The following EPHA3 variants were observed in gnomAD, a reference collection of about 807,000 sequenced individuals.
EPHA3 encodes the protein EPH receptor A3, also known as ephrin type-A receptor 3.
EPHA3 carries 42 observed loss-of-function variants against 107.1 expected under a neutral mutation model. The ratio of observed to expected loss-of-function variants is 0.39; its 90% CI spans 0.31 to 0.51. The LOEUF is 0.51. Among genes scored for constraint, EPHA3 ranks in the 20% least tolerant of loss-of-function variants. The pLI, the probability that EPHA3 is intolerant of heterozygous loss-of-function variation, is 0.78. For missense variants in EPHA3, 1,183 were observed against 1,211.2 expected (o/e 0.98, Z 0.35); for synonymous variants, 461 against 424.8 (o/e 1.09, Z -1.05).
At position 89,134,947 on chromosome 3, in the gene EPHA3, C is replaced by A. The variant is rs182820779; in HGVS notation, c.153+7674C>A. On this transcript the variant is annotated intron_variant, in intron 2 of 16. Coordinates refer to ENST00000336596, the MANE Select transcript of EPHA3 (RefSeq NM_005233.6). ...ATTACCAAAAACAAAACGAGAAATG[C>A]ACATTAAAATGATGTATAACATATT... 1.4e-4 allele frequency among the ~76,000 whole-genome samples: 21 copies of A among 152,228 alleles called. No homozygotes were observed. In the East Asian group the frequency reaches 3.9e-3, roughly 28 times the overall value.
chr3:89,305,450 C>G (rs1412581079), intron 3 of EPHA3, among the ~76,000 whole-genome samples: 1 of 152,018 alleles, frequency 6.6e-6, no homozygotes, highest in East Asian at 1.9e-4. Context: ...TTTTTTGCAT[C>G]CACCTGTAAG....
intron 2 of EPHA3, among the ~76,000 whole-genome samples, chr3:89,191,506 C>T (rs1200658446): frequency 6.6e-6 from 1 of 152,042 alleles, no homozygotes; most frequent in African/African-American, 2.4e-5. Flanking sequence ...CGGGGTTTCA[C>T]TGTGTTATCC....
At chr3:89,221,494 T>A (rs1223874712) in intron 3 of EPHA3, among the ~76,000 whole-genome samples, 5 of 152,234 alleles carry the variant, frequency 3.3e-5, no homozygotes, top group African/African-American at 9.6e-5. Flanking sequence ...TCTCTTTATG[T>A]ACCCTTTTTG....
chr3:89,155,582 A>G (rs1193882906), intron 2 of EPHA3, among the ~76,000 whole-genome samples: 1 of 152,112 alleles, frequency 6.6e-6, no homozygotes, highest in African/African-American at 2.4e-5. Context: ...TTGATTGTTC[A>G]TGGAATTTCT....
chr3:89,439,901 T>C (rs953290423), intron 13 of EPHA3, among the ~76,000 whole-genome samples: 1 of 152,302 alleles, frequency 6.6e-6, no homozygotes, highest in African/African-American at 2.4e-5. Context: ...GTTTGTTTTT[T>C]ATTTCCTGGT....
At chr3:89,125,628 C>G (rs1704076811) in intron 1 of EPHA3, among the ~76,000 whole-genome samples, 1 of 151,610 alleles carries the variant, frequency 6.6e-6, no homozygotes. Flanking sequence ...AATACAATTA[C>G]TTCTAATTAG....
intron 1 of EPHA3, among the ~76,000 whole-genome samples, chr3:89,112,748 T>C (rs1707143498): frequency 6.6e-6 from 1 of 151,976 alleles, no homozygotes; most frequent in African/African-American, 2.4e-5. Flanking sequence ...TAAGGTTTTA[T>C]AGACATTTAC....
intron 3 of EPHA3, among the ~76,000 whole-genome samples, chr3:89,230,562 C>G (rs1453451455): frequency 1.3e-5 from 2 of 151,930 alleles, no homozygotes; most frequent in Admixed American, 1.3e-4. Context: ...GATCATCTAT[C>G]CAAATTCTTC....
At chr3:89,410,903 C>G (rs1356557450) in intron 9 of EPHA3, among the ~76,000 whole-genome samples, 1 of 151,702 alleles carries the variant, frequency 6.6e-6, no homozygotes, top group South Asian at 2.1e-4. Context: ...CAACAGATTA[C>G]TGTATTAAAG....
intron 5 of EPHA3, among the ~76,000 whole-genome samples, chr3:89,368,834 C>G (rs1483427383): frequency 6.7e-6 from 1 of 150,222 alleles, no homozygotes; most frequent in South Asian, 2.1e-4. Flanking sequence ...AAACAAAAAA[C>G]AAAAAACGCT....
chr3:89,174,910 G>GA (rs560806175), intron 2 of EPHA3, among the ~76,000 whole-genome samples: 14 of 149,420 alleles, frequency 9.4e-5, no homozygotes, highest in South Asian at 4.2e-4. Flanking sequence ...ATGTGCAGAG[G>GA]AAAAAAAAAG....
intron 3 of EPHA3, among the ~76,000 whole-genome samples, chr3:89,316,739 T>C (rs1303217480): frequency 6.6e-6 from 1 of 151,262 alleles, no homozygotes; most frequent in African/African-American, 2.4e-5. Context: ...AGTTACCTTA[T>C]GTTAAAACAA....
At chr3:89,188,217 T>C (rs1282464436) in intron 2 of EPHA3, among the ~76,000 whole-genome samples, 5 of 152,142 alleles carry the variant, frequency 3.3e-5, no homozygotes. Context: ...AACAAATAGA[T>C]GAAACACATC....
intron 3 of EPHA3, among the ~76,000 whole-genome samples, chr3:89,285,906 A>C (rs1706070468): frequency 6.6e-6 from 1 of 152,022 alleles, no homozygotes; most frequent in African/African-American, 2.4e-5. Flanking sequence ...GGAATTAAGG[A>C]GGGGTAAGGA....
At chr3:89,448,185 A>G (rs1446638130) in intron 13 of EPHA3, among the ~76,000 whole-genome samples, 1 of 152,142 alleles carries the variant, frequency 6.6e-6, no homozygotes, top group African/African-American at 2.4e-5. Flanking sequence ...ATGGACCAGC[A>G]TCACATGGAG....
chr3:89,300,458 CAT>C (rs1320290479), intron 3 of EPHA3, among the ~76,000 whole-genome samples: 2 of 151,834 alleles, frequency 1.3e-5, no homozygotes, highest in Non-Finnish European at 2.9e-5. Context: ...ACAACACAGA[CAT>C]ACAAATAAAC....
chr3:89,152,007 T>C (rs1298804073), intron 2 of EPHA3, among the ~76,000 whole-genome samples: 1 of 152,056 alleles, frequency 6.6e-6, no homozygotes, highest in African/African-American at 2.4e-5. Flanking sequence ...CACATTTAAA[T>C]TTTAATATTG....
At chr3:89,386,673 C>T (rs540001885) in intron 5 of EPHA3, among the ~76,000 whole-genome samples, 1 of 152,238 alleles carries the variant, frequency 6.6e-6, no homozygotes, top group East Asian at 1.9e-4. Context: ...TCCTCTAGAC[C>T]CCAGAATGGT....
At position 89,429,127 on chromosome 3, in the gene EPHA3, C is replaced by A; in HGVS notation, c.2096C>A (p.Thr699Lys). Residue 699 changes from threonine to lysine, a missense_variant, in exon 12 of 17, where the codon ACA becomes AAA. Physicochemically the swap from Thr to Lys is moderately conservative, Grantham distance 78. Coordinates refer to ENST00000336596, the MANE Select transcript of EPHA3 (RefSeq NM_005233.6). The part of the protein sequence containing the change: ...VTKSKPVMIV[T>K]EYMENGSLDS... ...CTAGGTAAGCCAGTTATGATTGTCA[C>A]AGAATACATGGAGAATGGTTCCTTG... The A allele has an allele frequency of 1.2e-6, 2 of 1,610,356 alleles. No individual in the cohort carries two copies. Among genetic ancestry groups the A allele is most frequent in the Non-Finnish European group, 1.7e-6 (2 of 1,177,300 alleles).
Sources: allele counts gnomAD v4.1 joint callset (sites outside exome capture counted in the v4.1 genomes callset), GRCh38; gene constraint gnomAD v4.1.1; transcripts MANE v1.5; gene names NCBI Gene and HGNC (gene_info 2026-07-23, HGNC 2026-07-21).